The following MALRD1 variants were observed in gnomAD, a reference collection of about 807,000 sequenced individuals.
MALRD1 encodes MAM and LDL receptor class A domain containing 1, also known as MAM and LDL-receptor class A domain-containing protein 1.
In MALRD1, 247 loss-of-function variants were observed where a neutral mutation model predicts 242.1. The ratio of observed to expected loss-of-function variants is 1.02; its 90% CI spans 0.92 to 1.13. MALRD1 has a LOEUF of 1.13. MALRD1 is among the 50% of genes most tolerant of loss of function. The pLI is 0.00. For missense variants in MALRD1, 2,989 were observed against 2,533.1 expected (o/e 1.18, Z -3.86); for synonymous variants, 995 against 866.6 (o/e 1.15, Z -2.60).
chr10:19,641,348 T>C (rs1242780676), intron 36 of MALRD1, among the ~76,000 whole-genome samples: 1 of 152,130 alleles, frequency 6.6e-6, no homozygotes, highest in Non-Finnish European at 1.5e-5. Flanking sequence ...CTTTGATCAC[T>C]AAACAGAGGC....
chr10:19,047,826 G>A (rs1334739183), upstream of MALRD1, among the ~76,000 whole-genome samples: 1 of 152,052 alleles, frequency 6.6e-6, no homozygotes, highest in Non-Finnish European at 1.5e-5. Context: ...AAAATGCTCA[G>A]ATGCCTTTTC....
intron 24 of MALRD1, among the ~76,000 whole-genome samples, chr10:19,338,351 C>G (rs1461386810): frequency 6.6e-6 from 1 of 152,102 alleles, no homozygotes; most frequent in Non-Finnish European, 1.5e-5. Flanking sequence ...CCTTAAACAG[C>G]TGGCAACTGA....
intron 18 of MALRD1, among the ~76,000 whole-genome samples, chr10:19,254,784 G>T (rs1482737157): frequency 6.6e-6 from 1 of 151,334 alleles, no homozygotes; most frequent in African/African-American, 2.4e-5. Flanking sequence ...TGTATCTGAG[G>T]ATACATTATA....
chr10:19,488,901 A>G (rs1230217894), intron 29 of MALRD1: 5 of 356,932 alleles, frequency 1.4e-5, no homozygotes, highest in East Asian at 7.5e-5. Context: ...TGCATTTTCT[A>G]AGAAGTAGTT....
At chr10:19,246,710 T>C (rs1839064961) in intron 18 of MALRD1, among the ~76,000 whole-genome samples, 1 of 152,112 alleles carries the variant, frequency 6.6e-6, no homozygotes, top group African/African-American at 2.4e-5. Context: ...GTCCATCCTG[T>C]TGAGCTGCCA....
intron 32 of MALRD1, among the ~76,000 whole-genome samples, chr10:19,557,300 A>G (rs745838479): frequency 1.3e-5 from 2 of 152,120 alleles, no homozygotes; most frequent in African/African-American, 2.4e-5. Flanking sequence ...ACAAAGTCCA[A>G]CTTACCAATT....
At position 19,121,293 on chromosome 10, in the gene MALRD1, G is replaced by A. The variant is rs1281556757; in HGVS notation, c.695-2199G>A. ...TGAACTCAAGTGATCCACCTGCTTC[G>A]GCCTCCCAAGTGCTGGGATTACAGT... is the stretch of plus-strand genomic sequence containing the variant. On this transcript the variant is annotated intron_variant, in intron 5 of 39. Coordinates refer to ENST00000454679, the MANE Select transcript of MALRD1 (RefSeq NM_001142308.3). Among the ~76,000 whole-genome samples the A allele has an allele frequency of 5.3e-5, 8 of 151,696 alleles. No individual in the cohort carries two copies. The South Asian group carries it at 1.0e-3, about 20-fold the overall frequency.
chr10:19,370,112 C>T (rs77022981), intron 26 of MALRD1, among the ~76,000 whole-genome samples: 39 of 152,140 alleles, frequency 2.6e-4, no homozygotes, highest in South Asian at 4.1e-4. Context: ...GTTGAAATGA[C>T]GCTCATTTAC....
At chr10:19,358,885 A>G (rs1420311129) in intron 26 of MALRD1, among the ~76,000 whole-genome samples, 2 of 152,188 alleles carry the variant, frequency 1.3e-5, no homozygotes, top group African/African-American at 2.4e-5. Flanking sequence ...GCAAGGGTTC[A>G]GTTCTCCTTT....
intron 18 of MALRD1, among the ~76,000 whole-genome samples, chr10:19,242,291 GA>G (rs1477952405): frequency 1.3e-5 from 2 of 152,112 alleles, no homozygotes; most frequent in African/African-American, 4.8e-5. Context: ...CAGTATGGGG[GA>G]AACCGCCCCC....
chr10:19,607,878 C>T lies in MALRD1; in HGVS notation c.6046C>T (p.Gln2016Ter). Residue 2016 changes from glutamine (Q) to a stop codon, truncating the protein, a stop_gained, in exon 35 of 40, where the codon CAG becomes TAG. Transcript: ENST00000454679. LOFTEE classifies it high-confidence loss of function. Reference protein sequence around the residue: ...CDGFADCMDFQLDESSCSECP... With the variant: ...CDGFADCMDF The stretch of plus-strand genomic sequence containing the variant: ...TGGTTTTGCCGACTGCATGGATTTC[C>T]AGCTTGATGAGTCCAGCTGCTCCGG... 1.9e-6 allele frequency: 3 copies of T among 1,549,700 alleles called. No homozygotes were observed. The highest frequency in any genetic ancestry group is 2.6e-6 in the Non-Finnish European group (3 of 1,146,474).
At chr10:19,477,288 TTAAC>T (rs1836782213) in intron 29 of MALRD1, among the ~76,000 whole-genome samples, 1 of 152,156 alleles carries the variant, frequency 6.6e-6, no homozygotes, top group Non-Finnish European at 1.5e-5. Flanking sequence ...TGTCAATGAA[TTAAC>T]TAAGTATCTT....
rs76261545 is a variant in MALRD1 at position 19,720,899 on chromosome 10, A to G, written c.6315-9807A>G. On this transcript the variant is annotated intron_variant, in intron 38 of 39. Transcript: ENST00000454679. ...GAGAAAAGAAAGATGATACATGTGA[A>G]TCATTTGAGACTGTGAGTTACATAG... Among the ~76,000 whole-genome samples, 365 of 152,328 alleles carry G rather than the reference A, an allele frequency of 2.4e-3. 10 individuals carry two copies. In the East Asian group the frequency reaches 0.052, roughly 22 times the overall value.
chr10:19,418,300 C>G (rs1833588500), intron 28 of MALRD1, among the ~76,000 whole-genome samples: 1 of 151,670 alleles, frequency 6.6e-6, no homozygotes, highest in Admixed American at 6.6e-5. Context: ...ACATTGCTTT[C>G]AAACATAAGC....
At chr10:19,586,438 T>G (rs986469851) in intron 33 of MALRD1, among the ~76,000 whole-genome samples, 10 of 152,170 alleles carry the variant, frequency 6.6e-5, no homozygotes, top group African/African-American at 1.9e-4. Flanking sequence ...TAGTTTTCCT[T>G]CTAACGGACA....
At position 19,204,986 on chromosome 10, in the gene MALRD1, T is replaced by G; in HGVS notation, c.2299T>G (p.Leu767Val). 6.4e-7 allele frequency: 1 copy of G among 1,550,814 alleles called. No individual in the cohort carries two copies. Among genetic ancestry groups the G allele is most frequent in the Non-Finnish European group, 8.7e-7 (1 of 1,147,036 alleles). ...TGACTCAACAGTGATTTGGAGAGTA[T>G]TATACAATCAGGGCAAACAATGGTT... ...SHDSTVIWRV[L>V]YNQGKQWLEA... The change falls in exon 17 of 40, where the codon TTA becomes GTA. Residue 767 changes from leucine to valine, a missense_variant. By Grantham distance (32) the Leu-to-Val change is conservative. Transcript: ENST00000454679.
At chr10:19,140,509 A>G (rs1304460868) in intron 10 of MALRD1, among the ~76,000 whole-genome samples, 1 of 150,038 alleles carries the variant, frequency 6.7e-6, no homozygotes, top group Non-Finnish European at 1.5e-5. Context: ...GTCTCTGAGA[A>G]TGGATCAAAC....
intron 33 of MALRD1, among the ~76,000 whole-genome samples, chr10:19,591,925 A>T (rs1292360694): frequency 1.3e-5 from 2 of 152,240 alleles, no homozygotes; most frequent in Non-Finnish European, 2.9e-5. Context: ...AAAAGTATAG[A>T]TTTATAGTAG....
At chr10:19,298,821 TG>T (rs1274646366) in intron 21 of MALRD1, among the ~76,000 whole-genome samples, 1 of 152,004 alleles carries the variant, frequency 6.6e-6, no homozygotes, top group African/African-American at 2.4e-5. Flanking sequence ...TAAGATGTTT[TG>T]CTGGGAGACA....
Sources: allele counts gnomAD v4.1 joint callset (sites outside exome capture counted in the v4.1 genomes callset), GRCh38; gene constraint gnomAD v4.1.1; transcripts MANE v1.5; gene names NCBI Gene and HGNC (gene_info 2026-07-23, HGNC 2026-07-21).